The following ZNF615 variants were observed in gnomAD, a reference collection of about 807,000 sequenced individuals.
The protein encoded by ZNF615 is zinc finger protein 615.
In ZNF615, 15 loss-of-function variants were observed where a neutral mutation model predicts 15.3. That is an observed-to-expected ratio of 0.98 (90% CI 0.66 to 1.51). The LOEUF (loss-of-function observed/expected upper bound fraction) is 1.51, where lower values mean the gene tolerates loss of function less well. Among genes scored for constraint, ZNF615 ranks in the 40% most tolerant of loss-of-function variants. The pLI is 0.00. For synonymous variants in ZNF615, 268 were observed against 294.6 expected, an observed-to-expected ratio of 0.91 and a Z score of 0.92; for missense variants, 848 against 895.9, an observed-to-expected ratio of 0.95 and a Z score of 0.68.
chr19:52,003,596 T>C, intron 3 of ZNF615, 101 bp downstream of exon 3: 2 of 1,119,026 alleles, frequency 1.8e-6, no homozygotes, highest in Non-Finnish European at 1.3e-6. Context: ...CAGGTCCTGA[T>C]ATTTCCAATT....
intron 6 of ZNF615, among the ~76,000 whole-genome samples, chr19:51,996,394 A>AAAAAAAAAAAAAAAAC (rs2086433068): frequency 6.7e-6 from 1 of 149,284 alleles, no homozygotes; most frequent in Non-Finnish European, 1.5e-5. Flanking sequence ...TCAAAAAAAA[A>AAAAAAAAAAAAAAAAC]AAAAAAAAAA....
rs564569877 is a variant in ZNF615 at position 51,991,847 on chromosome 19, AT to A, written c.*1032del. 3 of 152,212 alleles carry A rather than the reference AT, an allele frequency of 2.0e-5. No homozygotes were observed. Among genetic ancestry groups the A allele is most frequent in the Non-Finnish European group, 1.5e-5 (1 of 68,016 alleles). The allele number at this position is 152,212 out of a possible 1,614,324, so 9.4% of individuals were successfully genotyped here. Reference sequence around the variant, plus strand: ...TATTGTAACAATTTCACTTTCCTGTATTTGGTAATGAACTATGCTTATGTAA... The same window carrying A: ...TATTGTAACAATTTCACTTTCCTGTATTGGTAATGAACTATGCTTATGTAA... On this transcript the variant is annotated 3_prime_UTR_variant, in exon 7 of 7. Transcript: ENST00000598071.
chr19:52,007,056 A>T (rs771437950), intron 2 of ZNF615, among the ~76,000 whole-genome samples: 1 of 152,220 alleles, frequency 6.6e-6, no homozygotes, highest in East Asian at 1.9e-4. Context: ...ACATTTTAAA[A>T]CATTTCACTT....
At chr19:52,001,332 A>G (rs1001159209) in intron 5 of ZNF615, among the ~76,000 whole-genome samples, 2 of 152,110 alleles carry the variant, frequency 1.3e-5, no homozygotes, top group South Asian at 2.1e-4. Context: ...AAGGAAAAAA[A>G]GTGGGGGCCG....
chr19:52,001,636 GA>G, intron 5 of ZNF615, 176 bp downstream of exon 5: 2 of 411,826 alleles, frequency 4.9e-6, no homozygotes, highest in Non-Finnish European at 4.5e-6. Flanking sequence ...AAAAAAAAAA[GA>G]AAAGAAAGTG....
At chr19:52,002,756 TAA>T (rs1014531108) in intron 3 of ZNF615, among the ~76,000 whole-genome samples, 5 of 151,882 alleles carry the variant, frequency 3.3e-5, no homozygotes, top group African/African-American at 1.2e-4. Context: ...CTGAATGAAA[TAA>T]AAGAGACTAT....
chr19:51,992,836 A>AT lies in ZNF615; in HGVS notation c.*43dup. ...TTCATGAAATTACTCTTCTTTGCAG[A>AT]TATCTTAAGGGCCTACATCTGGCAA... On this transcript the variant is annotated 3_prime_UTR_variant, in exon 7 of 7. Transcript: ENST00000598071. The AT allele has an allele frequency of 6.3e-7, 1 of 1,587,154 alleles. No homozygotes were observed. The highest frequency in any genetic ancestry group is 8.6e-7 in the Non-Finnish European group (1 of 1,164,910).
At position 51,993,748 on chromosome 19, in the gene ZNF615, A is replaced by G; in HGVS notation, c.1361T>C (p.Leu454Pro). ...AGTATGTGTTCGCTGATGTCTGATG[A>G]GTGGGCTCTTCAAAGCGAAGCCCTT... ...CGKGFALKSP[L>P]IRHQRTHTGE... The change falls in exon 7 of 7, where the codon CTC (leucine) becomes CCC (proline). Residue 454 changes from leucine (L) to proline (P), a missense_variant. Physicochemically the swap from Leu to Pro is moderately conservative, Grantham distance 98. Coordinates refer to ENST00000598071, the MANE Select transcript of ZNF615 (RefSeq NM_001199324.2). 6.2e-7 allele frequency: 1 copy of G among 1,614,048 alleles called. No homozygotes were observed. The highest frequency in any genetic ancestry group is 8.5e-7 in the Non-Finnish European group (1 of 1,180,026).
At chr19:52,004,174 T>C (rs1225060715) in intron 2 of ZNF615, among the ~76,000 whole-genome samples, 1 of 152,166 alleles carries the variant, frequency 6.6e-6, no homozygotes, top group African/African-American at 2.4e-5. Flanking sequence ...GCCCAGCAGC[T>C]GGGCAATCCT....
rs2086277630 is a variant in ZNF615, at chr19:51,992,957, G to T, written c.2152C>A (p.Pro718Thr). The T allele has an allele frequency of 6.2e-7, 1 of 1,614,030 alleles. No homozygotes were observed. Among genetic ancestry groups the T allele is most frequent in the Non-Finnish European group, 8.5e-7 (1 of 1,180,030 alleles). Residue 718 changes from proline to threonine, a missense_variant, in exon 7 of 7, where the codon CCC becomes ACC. Coordinates refer to ENST00000598071, the MANE Select transcript of ZNF615 (RefSeq NM_001199324.2). Reference protein sequence around the residue: ...VHQRKHTGERPYGCSDCGKAF... With the variant: ...VHQRKHTGERTYGCSDCGKAF... ...TTCCCACAATCACTACATCCATAGGGCCTCTCTCCTGTATGTTTTCTTTGA... is the reference window on the plus strand; with the variant it reads ...TTCCCACAATCACTACATCCATAGGTCCTCTCTCCTGTATGTTTTCTTTGA...
At position 52,001,880 on chromosome 19, in the gene ZNF615, G is replaced by A. The variant is rs2086606052; in HGVS notation, c.171C>T (p.Leu57=). The A allele has an allele frequency of 1.9e-6, 3 of 1,614,054 alleles. No homozygotes were observed. The change falls in exon 5 of 7, where the codon CTC becomes CTT. Residue 57 remains leucine, a synonymous_variant. Coordinates refer to ENST00000598071, the MANE Select transcript of ZNF615 (RefSeq NM_001199324.2). ...VGYQASKPDA[L]SKLERGEETC... The stretch of plus-strand genomic sequence containing the variant: ...TTTCTTCTCCTCGTTCCAATTTGGA[G>A]AGTGCATCTGGTTTGCTGGCTTGAT...
chr19:52,000,558 T>C (rs942900452), intron 5 of ZNF615, among the ~76,000 whole-genome samples, 180 bp from the exon 6 acceptor site: 3 of 152,156 alleles, frequency 2.0e-5, no homozygotes, highest in South Asian at 2.1e-4. Flanking sequence ...CATTAGATAA[T>C]ATTAAGGCAG....
Position 52,002,143 on chromosome 19 carries a change from A to T in ZNF615, c.142+12T>A. 1 of 1,614,240 alleles carries T rather than the reference A, an allele frequency of 6.2e-7. No individual in the cohort carries two copies. Among genetic ancestry groups the T allele is most frequent in the Non-Finnish European group, 8.5e-7 (1 of 1,180,042 alleles). On this transcript the variant is annotated intron_variant, in intron 4 of 6. Coordinates refer to ENST00000598071, the MANE Select transcript of ZNF615 (RefSeq NM_001199324.2). ...GGGCACCCTCTGAGTGACACAGGGCAGCTGTCCTCACCCACTGCCACCAGG... is the reference window on the plus strand; with the variant it reads ...GGGCACCCTCTGAGTGACACAGGGCTGCTGTCCTCACCCACTGCCACCAGG...
Position 51,993,348 on chromosome 19 carries a change from G to C in ZNF615, c.1761C>G (p.Gly587=). 1.2e-6 allele frequency: 2 copies of C among 1,613,862 alleles called. No homozygotes were observed. The highest frequency in any genetic ancestry group is 1.7e-6 in the Non-Finnish European group (2 of 1,179,946). ...CAATGAGCATGCTTTTCCCAGTTAA[G>C]CCTTTGCCACATTCACTGCATACAT... ...KPYVCSECGK[G]LTGKSMLIAH... is the part of the protein sequence containing the mutation. The change falls in exon 7 of 7, where the codon GGC becomes GGG. Residue 587 remains glycine (G), a synonymous_variant. Transcript: ENST00000598071.
Position 51,994,352 on chromosome 19 carries a change from AG to A in ZNF615, c.756del (p.Ser253ProfsTer6), listed in dbSNP as rs1206068804. 1.2e-6 allele frequency: 2 copies of A among 1,614,080 alleles called. No homozygotes were observed. Among genetic ancestry groups the A allele is most frequent in the Non-Finnish European group, 1.7e-6 (2 of 1,180,014 alleles). The part of the protein sequence containing the change: ...PHVCSMCGKA[F>X]SRKSRLMDHQ... ...TGGTCCATTAGTCTGGATTTTCTGG[AG>A]AAAGCTTTCCCACACATACTGCATA... On this transcript the variant is annotated frameshift_variant, in exon 7 of 7. Coordinates refer to ENST00000598071, the MANE Select transcript of ZNF615 (RefSeq NM_001199324.2). LOFTEE classifies it low-confidence loss of function (END_TRUNC).
At chr19:52,000,904 G>A (rs1359340124) in intron 5 of ZNF615, among the ~76,000 whole-genome samples, 5 of 151,936 alleles carry the variant, frequency 3.3e-5, no homozygotes. Flanking sequence ...AGTGAGCCTG[G>A]GTGACAGATG....
At chr19:52,002,314 T>C in intron 3 of ZNF615, 33 bp from the exon 4 acceptor site, 1 of 1,613,324 alleles carries the variant, frequency 6.2e-7, no homozygotes, top group Non-Finnish European at 8.5e-7. Context: ...AATGAAGTCA[T>C]ATTCTTTTGG....
In ZNF615 at chr19:51,991,400, C is replaced by G. The variant is rs1181867593; in HGVS notation, c.*1480G>C. On this transcript the variant is annotated 3_prime_UTR_variant, in exon 7 of 7. Coordinates refer to ENST00000598071, the MANE Select transcript of ZNF615 (RefSeq NM_001199324.2). Reference sequence around the variant, plus strand: ...AAAAACCGGGAACAAAACTAATGTCCTTCAGTGGGTGAATAAACAAATAGT... The same window carrying G: ...AAAAACCGGGAACAAAACTAATGTCGTTCAGTGGGTGAATAAACAAATAGT... The G allele has an allele frequency of 1.3e-5, 2 of 152,158 alleles. No individual in the cohort carries two copies. Among genetic ancestry groups the G allele is most frequent in the Non-Finnish European group, 2.9e-5 (2 of 68,030 alleles). 9.4% of individuals were successfully genotyped at this position (152,158 alleles called of 1,614,324 possible).
In ZNF615 at chr19:51,992,854, T is replaced by C; in HGVS notation, c.*26A>G. 1.2e-6 allele frequency: 2 copies of C among 1,609,644 alleles called. No individual in the cohort carries two copies. Among genetic ancestry groups the C allele is most frequent in the South Asian group, 1.1e-5 (1 of 90,798 alleles). On this transcript the variant is annotated 3_prime_UTR_variant, in exon 7 of 7. Transcript: ENST00000598071. The stretch of plus-strand genomic sequence containing the variant: ...TTTGCAGATATCTTAAGGGCCTACA[T>C]CTGGCAAGAGGCTTTCCCAAAATGA...
Sources: allele counts gnomAD v4.1 joint callset (sites outside exome capture counted in the v4.1 genomes callset), GRCh38; gene constraint gnomAD v4.1.1; transcripts MANE v1.5; gene names NCBI Gene and HGNC (gene_info 2026-07-23, HGNC 2026-07-21).